Variants in RGS7 observed in about 807,000 individuals in gnomAD.
RGS7 encodes the protein regulator of G-protein signaling 7.
RGS7 carries 27 observed loss-of-function variants against 81.1 expected under a neutral mutation model. That is an observed-to-expected ratio of 0.33 (90% CI 0.25 to 0.46). The LOEUF (loss-of-function observed/expected upper bound fraction) is 0.46. Among genes scored for constraint, RGS7 ranks in the 20% least tolerant of loss-of-function variants. The pLI is 1.00. For synonymous variants in RGS7, 208 were observed against 207.7 expected, an observed-to-expected ratio of 1.00 and a Z score of -0.01; for missense variants, 396 against 607.4, an observed-to-expected ratio of 0.65 and a Z score of 3.66.
intron 6 of RGS7, among the ~76,000 whole-genome samples, chr1:240,889,448 T>G (rs936017728): frequency 6.6e-6 from 1 of 151,908 alleles, no homozygotes; most frequent in African/African-American, 2.4e-5. Context: ...AGGGAGAGGT[T>G]ATGTCAGGGC....
intron 2 of RGS7, among the ~76,000 whole-genome samples, chr1:241,209,963 T>C (rs2147917441): frequency 6.6e-6 from 1 of 152,284 alleles, no homozygotes; most frequent in Admixed American, 6.5e-5. Flanking sequence ...AGATGTAAAG[T>C]AACTTAAAAT....
intron 2 of RGS7, among the ~76,000 whole-genome samples, chr1:241,265,720 G>T (rs1255554080): frequency 6.7e-6 from 1 of 148,174 alleles, no homozygotes; most frequent in Non-Finnish European, 1.5e-5. Flanking sequence ...TACTCAGATT[G>T]AATCATGGGA....
In RGS7 at chr1:240,832,282, G is replaced by A. The variant is rs541704502; in HGVS notation, c.610-5110C>T. Among the ~76,000 whole-genome samples, 6 of 152,276 alleles carry A rather than the reference G, an allele frequency of 3.9e-5. No individual in the cohort carries two copies. The East Asian group carries it at 1.2e-3, about 29-fold the overall frequency. ...TATTAAGCACATAGTATTGTTGGAT[G>A]TAAGGAATAATGAAATGCTATTTAC... On this transcript the variant is annotated intron_variant, in intron 9 of 18. Transcript: ENST00000440928.
chr1:241,106,752 C>CCACACTCACACACACA (rs2065136133), intron 2 of RGS7, among the ~76,000 whole-genome samples: 1 of 121,684 alleles, frequency 8.2e-6, no homozygotes, highest in Admixed American at 9.1e-5. Context: ...AACACCACCA[C>CCACACTCACACACACA]CACACACACA....
intron 4 of RGS7, among the ~76,000 whole-genome samples, chr1:240,982,097 C>A (rs765174816): frequency 1.3e-5 from 2 of 151,994 alleles, no homozygotes; most frequent in African/African-American, 4.8e-5. Flanking sequence ...TTGTTTGCCA[C>A]GTGTGAAAGG....
At chr1:241,063,822 G>A (rs1189423328) in intron 3 of RGS7, among the ~76,000 whole-genome samples, 1 of 152,018 alleles carries the variant, frequency 6.6e-6, no homozygotes, top group Non-Finnish European at 1.5e-5. Flanking sequence ...TGCAATCCAA[G>A]TAAAATTTAC....
chr1:241,347,292 G>C (rs912661340), intron 2 of RGS7, among the ~76,000 whole-genome samples: 1 of 152,110 alleles, frequency 6.6e-6, no homozygotes, highest in African/African-American at 2.4e-5. Context: ...GGACACTAAG[G>C]GAAGTTGAGA....
chr1:240,998,804 G>A, intron 3 of RGS7: 1 of 643,980 alleles, frequency 1.6e-6, no homozygotes, highest in Non-Finnish European at 2.9e-6. Context: ...TGGCACGGGT[G>A]AGTGTGGGGC....
chr1:241,236,141 A>G (rs2075961688), intron 2 of RGS7, among the ~76,000 whole-genome samples: 1 of 151,310 alleles, frequency 6.6e-6, no homozygotes, highest in South Asian at 2.1e-4. Context: ...TGAGTCTTCT[A>G]TGATATCACT....
At chr1:241,196,319 C>A (rs1573078492) in intron 2 of RGS7, among the ~76,000 whole-genome samples, 3 of 151,832 alleles carry the variant, frequency 2.0e-5, no homozygotes, top group Non-Finnish European at 4.4e-5. Flanking sequence ...AATGCACCAG[C>A]AGCAGATGAA....
chr1:241,065,232 A>ATAT (rs2061993043), intron 3 of RGS7, among the ~76,000 whole-genome samples: 1 of 142,068 alleles, frequency 7.0e-6, no homozygotes, highest in Non-Finnish European at 1.5e-5. Flanking sequence ...ATCTTTTAAT[A>ATAT]TATATTAAAA....
chr1:241,218,572 C>T (rs2074709760), intron 2 of RGS7, among the ~76,000 whole-genome samples: 1 of 152,252 alleles, frequency 6.6e-6, no homozygotes, highest in African/African-American at 2.4e-5. Flanking sequence ...CAGACTGCTG[C>T]TCTGGGTCCT....
At chr1:240,960,232 T>TTTTTTTTTGTTG (rs71172665) in intron 4 of RGS7, among the ~76,000 whole-genome samples, 5 of 70,234 alleles carry the variant, frequency 7.1e-5, no homozygotes, top group East Asian at 3.7e-4. Flanking sequence ...TTTTTTTTTT[T>TTTTTTTTTGTTG]TTGTTGTTGT....
rs1029013462 is a variant in RGS7, at chr1:240,928,194, G to A, written c.385+2523C>T. ...CCAGGATATATAAACCCTGGGTCTG[G>A]AAGGTTGTAGTGCGAAGGCCTACCT... On this transcript the variant is annotated intron_variant, in intron 6 of 18. Coordinates refer to ENST00000440928, the MANE Select transcript of RGS7 (RefSeq NM_001364886.1). 2.6e-5 allele frequency among the ~76,000 whole-genome samples: 4 copies of A among 152,280 alleles called. No homozygotes were observed. The South Asian group carries it at 8.3e-4, about 32-fold the overall frequency.
chr1:240,872,119 GA>G (rs34210505), intron 6 of RGS7, among the ~76,000 whole-genome samples: 1 of 151,990 alleles, frequency 6.6e-6, no homozygotes, highest in African/African-American at 2.4e-5. Flanking sequence ...ATTCTCTAGG[GA>G]AAAAAATGAA....
chr1:241,254,966 C>T (rs974942401), intron 2 of RGS7, among the ~76,000 whole-genome samples: 7 of 152,160 alleles, frequency 4.6e-5, no homozygotes, highest in Non-Finnish European at 1.5e-5. Flanking sequence ...TCCCATCCAA[C>T]CAACTATCCT....
At chr1:241,149,914 T>C (rs1343972553) in intron 2 of RGS7, among the ~76,000 whole-genome samples, 1 of 152,142 alleles carries the variant, frequency 6.6e-6, no homozygotes, top group Non-Finnish European at 1.5e-5. Context: ...TAGCTGGGAT[T>C]ACGGGTGTGT....
chr1:240,868,742 G>A lies in RGS7; in HGVS notation c.527+34C>T. On this transcript the variant is annotated intron_variant, in intron 8 of 18. Transcript: ENST00000440928. The surrounding 1 kb of genome is among the most constrained non-coding windows in gnomAD (Gnocchi z 5.1). Reference sequence around the variant, plus strand: ...TCTCTGAACAAAAAGGCCACAACTGGAACAAATCTTCCAAACGACTCACAA... The same window carrying A: ...TCTCTGAACAAAAAGGCCACAACTGAAACAAATCTTCCAAACGACTCACAA... The A allele has an allele frequency of 6.2e-7, 1 of 1,612,468 alleles. No homozygotes were observed. Among genetic ancestry groups the A allele is most frequent in the South Asian group, 1.1e-5 (1 of 91,006 alleles).
chr1:240,806,835 C>G (rs16840698), intron 14 of RGS7, among the ~76,000 whole-genome samples: 1 of 151,668 alleles, frequency 6.6e-6, no homozygotes, highest in Non-Finnish European at 1.5e-5. Flanking sequence ...GTATGGAGAG[C>G]CTTTTCTGTT....
Sources: gnomAD v4.1 joint callset for allele counts (sites outside exome capture counted in the v4.1 genomes callset) on GRCh38, gnomAD v4.1.1 for gene constraint, Gnocchi (gnomAD v3.1) non-coding constraint, MANE v1.5 for transcripts, NCBI Gene and HGNC (gene_info 2026-07-23, HGNC 2026-07-21) for gene names.